DPP9: variants seen among roughly 807,000 people sequenced by gnomAD.
The protein encoded by DPP9 is dipeptidyl peptidase IV-related protein-2.
Under a neutral mutation model 110.7 loss-of-function variants are expected in DPP9, and 50 were observed. That is an observed-to-expected ratio of 0.45 (90% CI 0.36 to 0.57). The LOEUF (loss-of-function observed/expected upper bound fraction) is 0.57, where lower values mean the gene tolerates loss of function less well. Among genes scored for constraint, DPP9 ranks in the 20% least tolerant of loss-of-function variants. The pLI, the probability that DPP9 is intolerant of heterozygous loss-of-function variation, is 0.00. For synonymous variants in DPP9, 561 were observed against 514.4 expected (o/e 1.09, Z -1.23); for missense variants, 1,022 against 1,217.9 (o/e 0.84, Z 2.39).
intron 3 of DPP9, chr19:4,717,832 G>C (rs1317282731): frequency 6.6e-6 from 1 of 152,310 alleles, no homozygotes; most frequent in Non-Finnish European, 1.5e-5. Context: ...GCTGGCGCAA[G>C]AGTGAGGGAG....
At position 4,676,366 on chromosome 19, in the gene DPP9, G is replaced by A. The variant is rs1405374069; in HGVS notation, c.*198C>T. On this transcript the variant is annotated 3_prime_UTR_variant, in exon 22 of 22. Transcript: ENST00000262960. The surrounding 1 kb of genome is among the most constrained non-coding windows in gnomAD (Gnocchi z 4.0). ...TCTGTCTCGGCAACCAAGAAGCAGC[G>A]GACATAAAACCCAAGAGCGTTTAAA... 17 of 588,548 alleles carry A rather than the reference G, an allele frequency of 2.9e-5. No homozygotes were observed. The highest frequency in any genetic ancestry group is 4.4e-4 in the Middle Eastern group (1 of 2,266). 36.5% of individuals were successfully genotyped at this position (588,548 alleles called of 1,614,324 possible).
rs2093178065 is a variant in DPP9 at position 4,718,556 on chromosome 19, C to T, written c.56+1295G>A. Among the ~76,000 whole-genome samples the T allele has an allele frequency of 6.6e-6, 1 of 152,244 alleles. No homozygotes were observed. The highest frequency in any genetic ancestry group is 2.4e-5 in the African/African-American group (1 of 41,464). On this transcript the variant is annotated intron_variant, in intron 3 of 21. Coordinates refer to ENST00000262960, the MANE Select transcript of DPP9 (RefSeq NM_139159.5). This position sits in a 1 kb window ranked among gnomAD's most constrained non-coding sequence, Gnocchi z 4.3. ...GGGCTGCCGGGGAAACAGCATGCCA[C>T]CCTCTGTCCTACCCAAACTGCCCCC...
Position 4,722,550 on chromosome 19 carries a change from A to G in DPP9, c.-87T>C, listed in dbSNP as rs1364548853. ...TTCCAGCTGCAGGCGTGGGACACAG[A>G]CCTTTATAGGATAAACATGTCATGA... On this transcript the variant is annotated splice_region_variant and 5_prime_UTR_variant, in exon 2 of 22. Transcript: ENST00000262960. 1.4e-6 allele frequency: 1 copy of G among 703,022 alleles called. No individual in the cohort carries two copies. Among genetic ancestry groups the G allele is most frequent in the Non-Finnish European group, 2.6e-6 (1 of 384,990 alleles). 43.5% of individuals were successfully genotyped at this position (703,022 alleles called of 1,614,324 possible).
chr19:4,705,212 G>A (rs562551636), intron 5 of DPP9, among the ~76,000 whole-genome samples: 89 of 152,276 alleles, frequency 5.8e-4, no homozygotes, highest in African/African-American at 1.9e-3. Flanking sequence ...ATAATGTTAT[G>A]TTATTTTTAT....
rs896258957 is a variant in DPP9 at position 4,710,991 on chromosome 19, T to C, written c.313+3090A>G. ...ACAGGCGACCCGACGATCTCATCTATGCGGAGTCAATCTGAATCTTTGTCC... is the reference window on the plus strand; with the variant it reads ...ACAGGCGACCCGACGATCTCATCTACGCGGAGTCAATCTGAATCTTTGTCC... On this transcript the variant is annotated intron_variant, in intron 4 of 21. Coordinates refer to ENST00000262960, the MANE Select transcript of DPP9 (RefSeq NM_139159.5). The surrounding 1 kb of genome is among the most constrained non-coding windows in gnomAD (Gnocchi z 5.6). 2.6e-5 allele frequency among the ~76,000 whole-genome samples: 4 copies of C among 152,172 alleles called. No individual in the cohort carries two copies. The highest frequency in any genetic ancestry group is 2.6e-4 in the Admixed American group (4 of 15,280).
At chr19:4,697,772 C>A in intron 10 of DPP9, 121 bp from the exon 11 acceptor site, 1 of 701,214 alleles carries the variant, frequency 1.4e-6, no homozygotes, top group Non-Finnish European at 2.4e-6. Flanking sequence ...AGTCTCAGCC[C>A]CCAGAACCCC....
chr19:4,695,411 C>A lies in DPP9; in HGVS notation c.1320G>T (p.Val440=). ...AGACGTTGGTGACCTCCTCGTACAC[C>A]ACATACGGCTGGACATTCCTGGGGA... is the stretch of plus-strand genomic sequence containing the variant. The part of the protein sequence containing the change: ...RAVPRNVQPY[V]VYEEVTNVWI... The change falls in exon 12 of 22, where the codon GTG becomes GTT. Residue 440 remains valine (V), a synonymous_variant. Coordinates refer to ENST00000262960, the MANE Select transcript of DPP9 (RefSeq NM_139159.5). The surrounding 1 kb of genome is among the most constrained non-coding windows in gnomAD (Gnocchi z 4.7). 6.3e-7 allele frequency: 1 copy of A among 1,592,484 alleles called. No individual in the cohort carries two copies. The highest frequency in any genetic ancestry group is 2.3e-5 in the East Asian group (1 of 43,730).
Position 4,695,353 on chromosome 19 carries a change from T to C in DPP9, c.1353+25A>G, listed in dbSNP as rs1480939355. The C allele has an allele frequency of 1.3e-6, 2 of 1,536,638 alleles. No homozygotes were observed. Among genetic ancestry groups the C allele is most frequent in the Non-Finnish European group, 1.8e-6 (2 of 1,140,652 alleles). ...TGTGACTCCAGGGCCCAGGCGGGCA[T>C]ACAGCCAGCGCTTGCCCCGCTTACA... On this transcript the variant is annotated intron_variant, in intron 12 of 21. Transcript: ENST00000262960. The surrounding 1 kb of genome is among the most constrained non-coding windows in gnomAD (Gnocchi z 4.7).
intron 4 of DPP9, among the ~76,000 whole-genome samples, chr19:4,713,839 G>T (rs1011954146): frequency 6.6e-6 from 1 of 152,152 alleles, no homozygotes; most frequent in Admixed American, 6.5e-5. Flanking sequence ...ATGGAGGAGC[G>T]GGGCTGCCCT....
At position 4,711,663 on chromosome 19, in the gene DPP9, C is replaced by A. The variant is rs564775794; in HGVS notation, c.313+2418G>T. 2.3e-4 allele frequency among the ~76,000 whole-genome samples: 35 copies of A among 150,702 alleles called. No homozygotes were observed. The Admixed American group carries it at 2.3e-3, about 10-fold the overall frequency. On this transcript the variant is annotated intron_variant, in intron 4 of 21. Transcript: ENST00000262960. Reference sequence around the variant, plus strand: ...TGGCAGGCACCTGTAATCCCAGCTACTCGGGAGGCTGAGGTAGGAGAATCG... The same window carrying A: ...TGGCAGGCACCTGTAATCCCAGCTAATCGGGAGGCTGAGGTAGGAGAATCG...
At position 4,694,467 on chromosome 19, in the gene DPP9, TA is replaced by T; in HGVS notation, c.1516+193del. Reference sequence around the variant, plus strand: ...GTGCTCAGTAAATCTGCTGCCTGAATAAGCCAACAGTTGGGTGCTCTAAGCC... The same window carrying T: ...GTGCTCAGTAAATCTGCTGCCTGAATAGCCAACAGTTGGGTGCTCTAAGCC... On this transcript the variant is annotated intron_variant, in intron 13 of 21. Coordinates refer to ENST00000262960, the MANE Select transcript of DPP9 (RefSeq NM_139159.5). The surrounding 1 kb of genome is among the most constrained non-coding windows in gnomAD (Gnocchi z 4.0). 1.4e-6 allele frequency: 1 copy of T among 700,734 alleles called. No individual in the cohort carries two copies. Among genetic ancestry groups the T allele is most frequent in the Non-Finnish European group, 2.3e-6 (1 of 431,342 alleles). 43.4% of individuals were successfully genotyped at this position (700,734 alleles called of 1,614,324 possible).
chr19:4,703,288 A>G (rs138620018), intron 7 of DPP9, among the ~76,000 whole-genome samples: 168 of 152,194 alleles, frequency 1.1e-3, no homozygotes, highest in Middle Eastern at 3.4e-3. Flanking sequence ...GGCACCTGGA[A>G]GAGGGTCCAG....
At chr19:4,683,129 C>G in intron 19 of DPP9, 2 of 1,470,420 alleles carry the variant, frequency 1.4e-6, no homozygotes, top group Middle Eastern at 2.3e-4. Context: ...GCCGCCGCCC[C>G]GCAGTGCCCT....
chr19:4,690,942 G>A lies in DPP9; in HGVS notation c.1532C>T (p.Pro511Leu), dbSNP rs2091261666. ...GGTCAGAGCAATCTCTTCCTTAATG[G>A]GGCACTTAAATTCATCTGGAAAGAA... Reference protein sequence around the residue: ...FSPGEDEFKCPIKEEIALTSG... With the variant: ...FSPGEDEFKCLIKEEIALTSG... Residue 511 changes from proline to leucine, a missense_variant, in exon 14 of 22, where the codon CCC (proline) becomes CTC (leucine). Pro to Leu is a moderately conservative substitution (Grantham distance 98). Coordinates refer to ENST00000262960, the MANE Select transcript of DPP9 (RefSeq NM_139159.5). The A allele has an allele frequency of 6.2e-7, 1 of 1,612,880 alleles. No individual in the cohort carries two copies. The highest frequency in any genetic ancestry group is 8.5e-7 in the Non-Finnish European group (1 of 1,179,494).
At chr19:4,714,422 G>C (rs1599947727) in intron 3 of DPP9, 85 bp from the exon 4 acceptor site, 2 of 1,427,000 alleles carry the variant, frequency 1.4e-6, no homozygotes, top group East Asian at 5.1e-5. Context: ...GAGGCACTCA[G>C]GTTCTTCCAG....
intron 11 of DPP9, 56 bp downstream of exon 11, chr19:4,697,495 C>T: frequency 6.8e-7 from 1 of 1,471,364 alleles, no homozygotes; most frequent in South Asian, 1.2e-5. Flanking sequence ...TCGGTGGCTG[C>T]CCAGGGCCCA....
At chr19:4,678,454 C>T (rs1193375698) in intron 21 of DPP9, among the ~76,000 whole-genome samples, 6 of 152,190 alleles carry the variant, frequency 3.9e-5, no homozygotes, top group Admixed American at 3.9e-4. Context: ...CAGCAGCCTT[C>T]AAGGAGGCCG....
chr19:4,711,829 GAAGAA>G (rs2092849525), intron 4 of DPP9, among the ~76,000 whole-genome samples: 1 of 145,206 alleles, frequency 6.9e-6, no homozygotes, highest in Admixed American at 7.1e-5. Flanking sequence ...AGACAGAAGA[GAAGAA>G]GAGGAGGAGG....
In DPP9 at chr19:4,710,107, C is replaced by T. The variant is rs189999218; in HGVS notation, c.313+3974G>A. Among the ~76,000 whole-genome samples, 4 of 152,334 alleles carry T rather than the reference C, an allele frequency of 2.6e-5. No individual in the cohort carries two copies. The highest frequency in any genetic ancestry group is 2.0e-4 in the Admixed American group (3 of 15,302). Reference sequence around the variant, plus strand: ...GCCCCATCCCTCCTCGGACCTCCCTCACCAGCTCTGCCCCTGCAAACACAC... The same window carrying T: ...GCCCCATCCCTCCTCGGACCTCCCTTACCAGCTCTGCCCCTGCAAACACAC... On this transcript the variant is annotated intron_variant, in intron 4 of 21. Transcript: ENST00000262960. This position sits in a 1 kb window ranked among gnomAD's most constrained non-coding sequence, Gnocchi z 5.6.
Sources: allele counts gnomAD v4.1 joint callset (sites outside exome capture counted in the v4.1 genomes callset), GRCh38; gene constraint gnomAD v4.1.1; non-coding constraint Gnocchi (gnomAD v3.1); transcripts MANE v1.5; gene names NCBI Gene and HGNC (gene_info 2026-07-23, HGNC 2026-07-21).